AGBL1: variants seen among roughly 807,000 people sequenced by gnomAD.
The protein encoded by AGBL1 is AGBL carboxypeptidase 1, also known as cytosolic carboxypeptidase 4.
Under a neutral mutation model 118.9 loss-of-function variants are expected in AGBL1, and 130 were observed. The observed-to-expected ratio is 1.09, with a 90% CI of 0.95 to 1.26. The LOEUF is 1.26. Ranked by LOEUF, AGBL1 falls within the 50% of genes most tolerant of loss-of-function variation. The pLI is 0.00. For synonymous variants in AGBL1, 555 were observed against 478.9 expected, an observed-to-expected ratio of 1.16 and a Z score of -2.08; for missense variants, 1,584 against 1,298.1, an observed-to-expected ratio of 1.22 and a Z score of -3.38.
chr15:86,599,495 CTTATG>C (rs1488883005), intron 21 of AGBL1, among the ~76,000 whole-genome samples: 1 of 152,020 alleles, frequency 6.6e-6, no homozygotes, highest in Non-Finnish European at 1.5e-5. Flanking sequence ...TTTAAATTTA[CTTATG>C]TTATGCATTC....
At chr15:86,210,875 A>G (rs940029297) in intron 5 of AGBL1, among the ~76,000 whole-genome samples, 3 of 152,230 alleles carry the variant, frequency 2.0e-5, no homozygotes, top group Non-Finnish European at 2.9e-5. Context: ...AGGAGCTGCA[A>G]TCCTTTGAAG....
chr15:86,640,046 T>C (rs78868610), intron 21 of AGBL1, among the ~76,000 whole-genome samples: 1,842 of 152,306 alleles, frequency 0.012, 104 homozygotes, highest in Admixed American at 0.086. Context: ...TGTCTGAAAG[T>C]GCAATGTAAA....
chr15:86,580,263 A>G (rs1278070205), intron 21 of AGBL1, among the ~76,000 whole-genome samples: 1 of 152,186 alleles, frequency 6.6e-6, no homozygotes, highest in East Asian at 1.9e-4. Context: ...AATTCTGACT[A>G]TAGTTTTCCT....
At chr15:86,997,634 G>A (rs773363327) in intron 24 of AGBL1, among the ~76,000 whole-genome samples, 15 of 152,048 alleles carry the variant, frequency 9.9e-5, no homozygotes, top group Non-Finnish European at 1.9e-4. Context: ...ATGATTTTAT[G>A]ATTGATTGAT....
chr15:86,709,881 C>A (rs2086523049), intron 22 of AGBL1, among the ~76,000 whole-genome samples: 1 of 152,158 alleles, frequency 6.6e-6, no homozygotes, highest in Non-Finnish European at 1.5e-5. Flanking sequence ...TGTACTAAAT[C>A]TCCTAATTGC....
intron 24 of AGBL1, among the ~76,000 whole-genome samples, chr15:87,023,549 C>T (rs2570101): frequency 0.13 from 19,132 of 151,998 alleles, 1,419 homozygotes; most frequent in African/African-American, 0.2. Context: ...CTTTTTAATA[C>T]ACCACTGACA....
At chr15:86,808,213 A>C (rs2078743597) in intron 22 of AGBL1, among the ~76,000 whole-genome samples, 1 of 152,256 alleles carries the variant, frequency 6.6e-6, no homozygotes, top group African/African-American at 2.4e-5. Context: ...GACCCCTGGT[A>C]TTCTCCATGC....
At chr15:86,410,688 A>G (rs1237880615) in intron 18 of AGBL1, among the ~76,000 whole-genome samples, 1 of 149,788 alleles carries the variant, frequency 6.7e-6, no homozygotes, top group African/African-American at 2.5e-5. Flanking sequence ...AGGGCCAAAC[A>G]GTCTTAATAA....
chr15:86,872,044 A>G (rs895252057), intron 22 of AGBL1, among the ~76,000 whole-genome samples: 1 of 152,214 alleles, frequency 6.6e-6, no homozygotes, highest in Non-Finnish European at 1.5e-5. Context: ...TGATGCTGAA[A>G]TGAATTTCAC....
intron 1 of AGBL1, among the ~76,000 whole-genome samples, chr15:86,108,813 C>A (rs958842190): frequency 6.6e-6 from 1 of 152,114 alleles, no homozygotes; most frequent in South Asian, 2.1e-4. Flanking sequence ...AAAAATTAGC[C>A]AGGCGTGGTG....
At chr15:86,604,849 A>G (rs2437805) in intron 21 of AGBL1, among the ~76,000 whole-genome samples, 127,394 of 146,358 alleles carry the variant, frequency 0.87, 56,016 homozygotes, top group East Asian at 0.99. Context: ...AGGTTAGAGT[A>G]CAATTATGTG....
At chr15:86,927,778 C>T (rs950908288) in intron 23 of AGBL1, among the ~76,000 whole-genome samples, 3 of 152,072 alleles carry the variant, frequency 2.0e-5, no homozygotes, top group African/African-American at 7.2e-5. Flanking sequence ...CTTGCCTACA[C>T]AGACCTCTAG....
chr15:86,562,573 A>G (rs900073953), intron 21 of AGBL1, among the ~76,000 whole-genome samples: 3 of 152,192 alleles, frequency 2.0e-5, no homozygotes, highest in African/African-American at 4.8e-5. Context: ...TTTTGCATCA[A>G]TGTTCATCAG....
chr15:86,491,356 G>A (rs896076658), intron 18 of AGBL1, among the ~76,000 whole-genome samples: 2 of 152,064 alleles, frequency 1.3e-5, no homozygotes, highest in Admixed American at 1.3e-4. Context: ...CAGCCTATGT[G>A]GCTGGAGGTG....
chr15:86,337,594 A>G (rs2080393185), intron 17 of AGBL1, among the ~76,000 whole-genome samples: 1 of 152,174 alleles, frequency 6.6e-6, no homozygotes, highest in Non-Finnish European at 1.5e-5. Context: ...TCCTCAGCAA[A>G]CTAACACAGG....
At chr15:86,165,446 C>G (rs914772595) in intron 5 of AGBL1, among the ~76,000 whole-genome samples, 4 of 152,138 alleles carry the variant, frequency 2.6e-5, no homozygotes, top group Non-Finnish European at 2.9e-5. Context: ...CACTCCATTC[C>G]ACTTTATCTG....
In AGBL1 at chr15:86,886,723, C is replaced by T. The variant is rs949344356; in HGVS notation, c.3159-20364C>T. ...TTATTTTAAGCTGTGGTAGAGTTTT[C>T]AATTAGCCGTGGCAAGAAGGATGGC... is the stretch of plus-strand genomic sequence containing the variant. On this transcript the variant is annotated intron_variant, in intron 22 of 22. Coordinates refer to ENST00000614907, the MANE Select transcript of AGBL1 (RefSeq NM_001386094.1). 5.3e-5 allele frequency among the ~76,000 whole-genome samples: 8 copies of T among 152,180 alleles called. 1 individual carries two copies. The South Asian group carries it at 1.5e-3, about 28-fold the overall frequency.
intron 16 of AGBL1, among the ~76,000 whole-genome samples, chr15:86,293,377 C>A (rs2079579288): frequency 6.6e-6 from 1 of 152,094 alleles, no homozygotes; most frequent in Admixed American, 6.6e-5. Context: ...TTTCCTTTTC[C>A]AGCTTCTAGA....
At chr15:86,625,619 G>C (rs1596317717) in intron 21 of AGBL1, among the ~76,000 whole-genome samples, 1 of 152,082 alleles carries the variant, frequency 6.6e-6, no homozygotes, top group East Asian at 1.9e-4. Context: ...CTCATAAAAA[G>C]TAAATTCTGG....
Sources: allele counts gnomAD v4.1 joint callset (sites outside exome capture counted in the v4.1 genomes callset), GRCh38; gene constraint gnomAD v4.1.1; transcripts MANE v1.5; gene names NCBI Gene and HGNC (gene_info 2026-07-23, HGNC 2026-07-21).